The following CNTNAP2 variants were observed in gnomAD, a reference collection of about 807,000 sequenced individuals.
CNTNAP2 encodes contactin associated protein 2.
In CNTNAP2, 98 loss-of-function variants were observed where a neutral mutation model predicts 155.2. The observed-to-expected ratio is 0.63, with a 90% CI of 0.54 to 0.75. The LOEUF (loss-of-function observed/expected upper bound fraction) is 0.75. Among genes scored for constraint, CNTNAP2 ranks in the 30% least tolerant of loss-of-function variants. CNTNAP2 has a pLI of 0.00. For missense variants in CNTNAP2, 1,727 were observed against 1,688.1 expected, an observed-to-expected ratio of 1.02 and a Z score of -0.40; for synonymous variants, 651 against 631.2, an observed-to-expected ratio of 1.03 and a Z score of -0.47.
chr7:147,450,224 C>T (rs1480162374), intron 10 of CNTNAP2, among the ~76,000 whole-genome samples: 1 of 152,160 alleles, frequency 6.6e-6, no homozygotes, highest in East Asian at 1.9e-4. Context: ...ATATGAGAAG[C>T]ACTCAAATGC....
At chr7:147,669,355 T>C (rs1345307073) in intron 13 of CNTNAP2, among the ~76,000 whole-genome samples, 3 of 152,312 alleles carry the variant, frequency 2.0e-5, no homozygotes, top group South Asian at 2.1e-4. Flanking sequence ...CAAAAATCTA[T>C]ATTACTATGT....
chr7:146,715,370 T>C (rs1801170135), intron 1 of CNTNAP2, among the ~76,000 whole-genome samples: 1 of 152,098 alleles, frequency 6.6e-6, no homozygotes, highest in Non-Finnish European at 1.5e-5. Context: ...GAGTCAAAGA[T>C]ACTGTGAAAT....
intron 1 of CNTNAP2, among the ~76,000 whole-genome samples, chr7:146,352,332 A>G (rs1369984006): frequency 6.6e-6 from 1 of 152,200 alleles, no homozygotes; most frequent in Non-Finnish European, 1.5e-5. Flanking sequence ...TCTTAGATGG[A>G]TCTTGCACAC....
At chr7:147,417,620 C>T (rs1353566952) in intron 10 of CNTNAP2, among the ~76,000 whole-genome samples, 1 of 152,140 alleles carries the variant, frequency 6.6e-6, no homozygotes, top group Non-Finnish European at 1.5e-5. Context: ...TTTTGGAAAA[C>T]TTCCTTTCCT....
At chr7:146,138,487 A>T (rs1463505944) in intron 1 of CNTNAP2, among the ~76,000 whole-genome samples, 1 of 152,128 alleles carries the variant, frequency 6.6e-6, no homozygotes. Context: ...GTGATCATGA[A>T]ATAAACTTAT....
At chr7:147,326,563 G>A (rs1488082126) in intron 9 of CNTNAP2, among the ~76,000 whole-genome samples, 1 of 152,156 alleles carries the variant, frequency 6.6e-6, no homozygotes, top group African/African-American at 2.4e-5. Context: ...TGGAATTGCT[G>A]GATTACATGT....
At chr7:147,326,844 A>G (rs1795469856) in intron 9 of CNTNAP2, among the ~76,000 whole-genome samples, 1 of 152,176 alleles carries the variant, frequency 6.6e-6, no homozygotes, top group South Asian at 2.1e-4. Context: ...CCCATTTCAC[A>G]TTTCACAATG....
At position 147,499,389 on chromosome 7, in the gene CNTNAP2, C is replaced by T. The variant is rs533752393; in HGVS notation, c.1777+13348C>T. ...ACTAAAAATAAAAAAAATAGCTGGGCGTGGTGGCAGGCGCCTGTAGTCCCA... is the reference window on the plus strand; with the variant it reads ...ACTAAAAATAAAAAAAATAGCTGGGTGTGGTGGCAGGCGCCTGTAGTCCCA... On this transcript the variant is annotated intron_variant, in intron 11 of 23. Transcript: ENST00000361727. 1.2e-3 allele frequency among the ~76,000 whole-genome samples: 179 copies of T among 151,914 alleles called. 1 individual carries two copies. Among genetic ancestry groups the T allele is most frequent in the African/African-American group, 3.9e-3 (162 of 41,424 alleles).
intron 8 of CNTNAP2, among the ~76,000 whole-genome samples, chr7:147,248,780 A>C (rs1804122268): frequency 6.6e-6 from 1 of 152,232 alleles, no homozygotes; most frequent in Non-Finnish European, 1.5e-5. Context: ...TGAATGCCTA[A>C]GGTTTAAATT....
chr7:146,886,126 C>G (rs1795653611), intron 3 of CNTNAP2, among the ~76,000 whole-genome samples: 1 of 151,878 alleles, frequency 6.6e-6, no homozygotes, highest in Non-Finnish European at 1.5e-5. Context: ...ACCCTGCAAT[C>G]AAAACTGATT....
At chr7:146,884,600 C>G (rs1460779346) in intron 3 of CNTNAP2, among the ~76,000 whole-genome samples, 1 of 152,172 alleles carries the variant, frequency 6.6e-6, no homozygotes, top group African/African-American at 2.4e-5. Flanking sequence ...AGGTCCCATA[C>G]ATATGGGATT....
At chr7:147,654,259 T>C (rs1795492517) in intron 13 of CNTNAP2, among the ~76,000 whole-genome samples, 1 of 152,212 alleles carries the variant, frequency 6.6e-6, no homozygotes, top group Non-Finnish European at 1.5e-5. Flanking sequence ...TAGATTAATA[T>C]AGTAAAAAAT....
intron 13 of CNTNAP2, among the ~76,000 whole-genome samples, chr7:147,714,346 C>T (rs1052000246): frequency 4.6e-5 from 7 of 151,536 alleles, no homozygotes; most frequent in Middle Eastern, 3.2e-3. Flanking sequence ...GTTAGTGGGG[C>T]CATGAGGAAG....
intron 11 of CNTNAP2, among the ~76,000 whole-genome samples, chr7:147,529,177 C>CAA (rs1799385502): frequency 6.6e-6 from 1 of 152,166 alleles, no homozygotes. Flanking sequence ...TGACACTGGA[C>CAA]AATTTGGATT....
chr7:146,312,657 A>T (rs1800844684), intron 1 of CNTNAP2, among the ~76,000 whole-genome samples: 1 of 152,160 alleles, frequency 6.6e-6, no homozygotes. Context: ...GCATTACATC[A>T]CTAAAGTTCA....
chr7:148,159,284 G>A lies in CNTNAP2; in HGVS notation c.2773+11575G>A, dbSNP rs182370028. Among the ~76,000 whole-genome samples, 766 of 151,922 alleles carry A rather than the reference G, an allele frequency of 5.0e-3. 3 individuals are homozygous for A. The highest frequency in any genetic ancestry group is 0.018 in the African/African-American group (728 of 41,396). On this transcript the variant is annotated intron_variant, in intron 17 of 23. Transcript: ENST00000361727. ...CCAGCTTCACCCTCTCGCCATCGCC[G>A]ACACCCACTGAAACGTATTTTATGG... is the stretch of plus-strand genomic sequence containing the variant.
At chr7:146,782,081 A>G (rs559256225) in intron 2 of CNTNAP2, 2 of 152,192 alleles carry the variant, frequency 1.3e-5, no homozygotes, top group African/African-American at 2.4e-5. Flanking sequence ...TATGAAGTAG[A>G]CTCAAGTTCC....
intron 2 of CNTNAP2, among the ~76,000 whole-genome samples, chr7:146,774,803 C>T (rs1802359279): frequency 6.6e-6 from 1 of 152,112 alleles, no homozygotes; most frequent in African/African-American, 2.4e-5. Context: ...ATTGAAAATG[C>T]AAATGCCCCT....
chr7:147,190,442 A>G (rs1380980543), intron 8 of CNTNAP2, among the ~76,000 whole-genome samples: 1 of 152,222 alleles, frequency 6.6e-6, no homozygotes, highest in East Asian at 1.9e-4. Context: ...TCACAGAATG[A>G]GAGTTTCTCT....
Sources: gnomAD v4.1 joint callset for allele counts (sites outside exome capture counted in the v4.1 genomes callset) on GRCh38, gnomAD v4.1.1 for gene constraint, MANE v1.5 for transcripts, NCBI Gene and HGNC (gene_info 2026-07-23, HGNC 2026-07-21) for gene names.